Variants in CRACDL observed in about 807,000 individuals in gnomAD.
CRACDL encodes CRACD-like protein.
In CRACDL, 26 loss-of-function variants were observed where a neutral mutation model predicts 70.6. That is an observed-to-expected ratio of 0.37 (90% confidence interval 0.27 to 0.51). The LOEUF (loss-of-function observed/expected upper bound fraction) is 0.51, where lower values mean the gene tolerates loss of function less well. Among genes scored for constraint, CRACDL ranks in the 20% least tolerant of loss-of-function variants. The pLI is 0.94. For synonymous variants in CRACDL, 618 were observed against 615.2 expected (o/e 1.00, Z -0.07); for missense variants, 1,283 against 1,376.9 (o/e 0.93, Z 1.08).
chr2:98,929,803 T>C (rs1709025373), intron 1 of CRACDL, among the ~76,000 whole-genome samples: 2 of 149,782 alleles, frequency 1.3e-5, no homozygotes, highest in Non-Finnish European at 2.9e-5. Context: ...TCATAGGATA[T>C]GTCAAGTAGA....
At chr2:98,813,284 T>C (rs1202451673) in intron 7 of CRACDL, among the ~76,000 whole-genome samples, 1 of 152,020 alleles carries the variant, frequency 6.6e-6, no homozygotes, top group African/African-American at 2.4e-5. Flanking sequence ...TACAAAAAAT[T>C]GGTCAGGTGT....
At position 98,868,979 on chromosome 2, in the gene CRACDL, C is replaced by G. The variant is rs372544767; in HGVS notation, c.-10-22169G>C. ...CAGACGCTGCAGATTTATCCATAGG[C>G]CTCAGGGGATGGTGGCCACCCACGC... On this transcript the variant is annotated intron_variant, in intron 1 of 9. Coordinates refer to ENST00000397899, the MANE Select transcript of CRACDL (RefSeq NM_207362.3). 1.4e-5 allele frequency: 8 copies of G among 569,714 alleles called. No homozygotes were observed. In the African/African-American group the frequency reaches 1.5e-4, roughly 11 times the overall value. 35.3% of individuals were successfully genotyped at this position (569,714 alleles called of 1,614,324 possible). A position where few individuals can be genotyped will look rare whatever the true frequency, so the allele number is the denominator to read the frequency against.
At chr2:98,832,084 A>AGGGTTGATTCT (rs961542224) in intron 5 of CRACDL, among the ~76,000 whole-genome samples, 1 of 152,224 alleles carries the variant, frequency 6.6e-6, no homozygotes, top group Non-Finnish European at 1.5e-5. Context: ...GTCAAGGGAC[A>AGGGTTGATTCT]GGGTTGATTC....
chr2:98,871,737 T>C (rs974894562), intron 1 of CRACDL, among the ~76,000 whole-genome samples: 9 of 152,150 alleles, frequency 5.9e-5, no homozygotes, highest in Non-Finnish European at 1.0e-4. Flanking sequence ...GTAGGAGACA[T>C]AGGCAGACCA....
At chr2:98,910,325 G>A (rs1464251697) in intron 1 of CRACDL, among the ~76,000 whole-genome samples, 2 of 152,006 alleles carry the variant, frequency 1.3e-5, no homozygotes, top group South Asian at 4.1e-4. Flanking sequence ...TTCGAGACCA[G>A]CCTGACCAAC....
chr2:98,930,942 A>ATGTGTG (rs140634438), intron 1 of CRACDL, among the ~76,000 whole-genome samples: 9 of 149,666 alleles, frequency 6.0e-5, no homozygotes, highest in African/African-American at 1.5e-4. Flanking sequence ...ATGCTCATGT[A>ATGTGTG]TGTGTGTGTG....
At chr2:98,884,827 G>A (rs756605088) in intron 1 of CRACDL, among the ~76,000 whole-genome samples, 35 of 152,326 alleles carry the variant, frequency 2.3e-4, no homozygotes, top group Non-Finnish European at 4.3e-4. Flanking sequence ...CCAGAACTGT[G>A]AGAAAGGCAC....
At chr2:98,809,678 A>T (rs1354034380) in intron 7 of CRACDL, 1 of 152,194 alleles carries the variant, frequency 6.6e-6, no homozygotes, top group Non-Finnish European at 1.5e-5. Context: ...TTGACTCCAC[A>T]GATCCTGCAA....
At chr2:98,795,077 A>ATATATATATATTTTTTTTTTTTTTT in intron 9 of CRACDL, among the ~76,000 whole-genome samples, 4 of 58,484 alleles carry the variant, frequency 6.8e-5, no homozygotes, top group African/African-American at 1.3e-4. Flanking sequence ...ATATATATAT[A>ATATATATATATTTTTTTTTTTTTTT]TTTTTTTTTT....
chr2:98,797,051 G>C (rs72827739), intron 8 of CRACDL, among the ~76,000 whole-genome samples: 1 of 152,192 alleles, frequency 6.6e-6, no homozygotes, highest in African/African-American at 2.4e-5. Context: ...GAGCTGCTGC[G>C]TTGCCAAGGA....
chr2:98,887,386 G>A (rs1319226975), intron 1 of CRACDL, among the ~76,000 whole-genome samples: 1 of 152,162 alleles, frequency 6.6e-6, no homozygotes, highest in Non-Finnish European at 1.5e-5. Flanking sequence ...TACTCAGGAG[G>A]CTGAGGCAGA....
chr2:98,915,352 T>C (rs1003834253), intron 1 of CRACDL, among the ~76,000 whole-genome samples: 2 of 152,142 alleles, frequency 1.3e-5, no homozygotes, highest in South Asian at 2.1e-4. Context: ...AGCAGTTTCT[T>C]TTCTGAGTGT....
intron 1 of CRACDL, among the ~76,000 whole-genome samples, chr2:98,886,256 T>C (rs1032899888): frequency 2.6e-5 from 4 of 152,234 alleles, no homozygotes; most frequent in African/African-American, 9.6e-5. Flanking sequence ...GAAAACCCAC[T>C]ATGACCTGAG....
intron 1 of CRACDL, among the ~76,000 whole-genome samples, chr2:98,915,451 C>T (rs1393466960): frequency 3.3e-5 from 5 of 152,178 alleles, no homozygotes; most frequent in South Asian, 4.1e-4. Context: ...ACCAGGGATG[C>T]CCGGGGACTG....
chr2:98,861,277 G>A (rs1031282413), intron 1 of CRACDL, among the ~76,000 whole-genome samples: 1 of 152,154 alleles, frequency 6.6e-6, no homozygotes, highest in African/African-American at 2.4e-5. Flanking sequence ...AACCTGGGAG[G>A]TGGAGGTTGC....
At chr2:98,881,319 C>T (rs1037046755) in intron 1 of CRACDL, among the ~76,000 whole-genome samples, 2 of 152,172 alleles carry the variant, frequency 1.3e-5, no homozygotes, top group Admixed American at 1.3e-4. Flanking sequence ...GAGATGCAGA[C>T]ACTCAGGCTC....
chr2:98,843,995 C>T (rs1056353005), intron 2 of CRACDL, among the ~76,000 whole-genome samples: 1 of 152,126 alleles, frequency 6.6e-6, no homozygotes, highest in African/African-American at 2.4e-5. Flanking sequence ...TATTATTTCA[C>T]CTCTATGGAC....
At chr2:98,798,485 CTG>C (rs1011671681) in intron 7 of CRACDL, among the ~76,000 whole-genome samples, 1 of 136,770 alleles carries the variant, frequency 7.3e-6, no homozygotes, top group African/African-American at 2.7e-5. Context: ...GAGTGACACT[CTG>C]TCTCAAAAAA....
intron 1 of CRACDL, among the ~76,000 whole-genome samples, chr2:98,854,102 T>C (rs1388255739): frequency 6.6e-6 from 1 of 151,398 alleles, no homozygotes; most frequent in Non-Finnish European, 1.5e-5. Flanking sequence ...GCCAACATGG[T>C]GAAACCTCAT....
Sources: gnomAD v4.1 joint callset for allele counts (sites outside exome capture counted in the v4.1 genomes callset) on GRCh38, gnomAD v4.1.1 for gene constraint, MANE v1.5 for transcripts, NCBI Gene and HGNC (gene_info 2026-07-23, HGNC 2026-07-21) for gene names.